PTPRT: variants seen among roughly 807,000 people sequenced by gnomAD.
PTPRT encodes the protein receptor-type tyrosine-protein phosphatase T.
Under a neutral mutation model 176.8 loss-of-function variants are expected in PTPRT, and 56 were observed. That is an observed-to-expected ratio of 0.32 (90% CI 0.26 to 0.40). PTPRT has a LOEUF of 0.40. PTPRT is among the 10% of genes least tolerant of loss of function. PTPRT has a pLI of 1.00. For missense variants in PTPRT, 1,540 were observed against 1,908.2 expected (o/e 0.81, Z 3.60); for synonymous variants, 783 against 739.0 (o/e 1.06, Z -0.96).
chr20:42,835,046 C>CA (rs1222183350), intron 2 of PTPRT, among the ~76,000 whole-genome samples: 1 of 151,950 alleles, frequency 6.6e-6, no homozygotes, highest in African/African-American at 2.4e-5. Flanking sequence ...AAACCCCACA[C>CA]AAAAAAAGAA....
At chr20:42,546,743 AT>A (rs371391713) in intron 7 of PTPRT, among the ~76,000 whole-genome samples, 1 of 152,076 alleles carries the variant, frequency 6.6e-6, no homozygotes, top group African/African-American at 2.4e-5. Flanking sequence ...TAATTTCAAT[AT>A]TTTTTTGTTT....
intron 6 of PTPRT, among the ~76,000 whole-genome samples, chr20:42,719,671 A>G (rs2076277152): frequency 6.6e-6 from 1 of 152,192 alleles, no homozygotes; most frequent in Admixed American, 6.5e-5. Context: ...CAAATAGTGA[A>G]AGGTCTATGG....
At position 42,277,817 on chromosome 20, in the gene PTPRT, C is replaced by A. The variant is rs572038329; in HGVS notation, c.2176+4672G>T. Among the ~76,000 whole-genome samples, 10 of 151,640 alleles carry A rather than the reference C, an allele frequency of 6.6e-5. No individual in the cohort carries two copies. In the South Asian group the frequency reaches 1.9e-3, roughly 29 times the overall value. On this transcript the variant is annotated intron_variant, in intron 13 of 30. Coordinates refer to ENST00000373187, the MANE Select transcript of PTPRT (RefSeq NM_007050.6). ...TACTCCTACCATTTAAGAGAACAATCCTGACATGTAACTTGCATTTGAAAA... is the reference window on the plus strand; with the variant it reads ...TACTCCTACCATTTAAGAGAACAATACTGACATGTAACTTGCATTTGAAAA...
Position 42,161,483 on chromosome 20 carries a change from G to A in PTPRT, c.2551C>T (p.Arg851Cys), listed in dbSNP as rs757562149. Reference protein sequence around the residue: ...PTLTIQTHPYRTCDPVEMSYP... With the variant: ...PTLTIQTHPYCTCDPVEMSYP... ...CTCATCTCCACAGGGTCACAGGTGC[G>A]GTAGGGATGAGTCTGGATCGTGAGG... Residue 851 changes from arginine to cysteine, a missense_variant, in exon 17 of 31, where the codon CGC becomes TGC. By Grantham distance (180) the Arg-to-Cys change is radical (BLOSUM62 -3). This residue lies in a region of PTPRT where 255 missense variants were observed against 250.1 expected (regional missense o/e 1.02). Coordinates refer to ENST00000373187, the MANE Select transcript of PTPRT (RefSeq NM_007050.6). 2.2e-5 allele frequency: 35 copies of A among 1,613,942 alleles called. No homozygotes were observed. The highest frequency in any genetic ancestry group is 6.7e-5 in the Admixed American group (4 of 59,980).
chr20:43,074,286 C>T (rs1386917348), intron 1 of PTPRT, among the ~76,000 whole-genome samples: 1 of 152,156 alleles, frequency 6.6e-6, no homozygotes, highest in African/African-American at 2.4e-5. Flanking sequence ...AAAGCAAAAA[C>T]AAAATTTTAT....
chr20:42,732,140 G>A (rs1034248262), intron 6 of PTPRT, among the ~76,000 whole-genome samples: 1 of 144,278 alleles, frequency 6.9e-6, no homozygotes, highest in Non-Finnish European at 1.5e-5. Flanking sequence ...GTCCATGTGC[G>A]GCTATTTAAA....
rs1250887349 is a variant in PTPRT at position 42,072,852 on chromosome 20, A to G, written c.*8027T>C. The G allele has an allele frequency of 4.5e-6, 1 of 220,086 alleles. No individual in the cohort carries two copies. The highest frequency in any genetic ancestry group is 9.1e-6 in the Non-Finnish European group (1 of 109,546). The allele number at this position is 220,086 out of a possible 1,614,324, so 13.6% of individuals were successfully genotyped here. ...TGTCAGGGAACATTTACAAGAATAA[A>G]TAAGATGGACTTGCAGGTGTAAAAA... On this transcript the variant is annotated 3_prime_UTR_variant, in exon 31 of 31. Transcript: ENST00000373187.
At chr20:42,437,901 T>A (rs1337938296) in intron 9 of PTPRT, among the ~76,000 whole-genome samples, 2 of 152,164 alleles carry the variant, frequency 1.3e-5, no homozygotes, top group African/African-American at 2.4e-5. Flanking sequence ...AGCAGCAAAT[T>A]CATGCTGCAT....
At chr20:42,114,184 T>C (rs544212137) in intron 22 of PTPRT, among the ~76,000 whole-genome samples, 3 of 152,226 alleles carry the variant, frequency 2.0e-5, no homozygotes, top group Non-Finnish European at 4.4e-5. Flanking sequence ...AAGAGAAATG[T>C]GTTACAGGAG....
intron 1 of PTPRT, among the ~76,000 whole-genome samples, chr20:43,052,306 T>C (rs1399852874): frequency 2.0e-5 from 3 of 152,264 alleles, no homozygotes; most frequent in Admixed American, 2.0e-4. Context: ...CACCTGGCTA[T>C]TGTGTAAAAC....
chr20:42,990,854 A>C (rs1245894062), intron 1 of PTPRT, among the ~76,000 whole-genome samples: 2 of 152,202 alleles, frequency 1.3e-5, no homozygotes, highest in African/African-American at 4.8e-5. Context: ...GAGTTTGCAG[A>C]GTTAGATAAT....
At chr20:42,453,533 T>C (rs936922165) in intron 8 of PTPRT, among the ~76,000 whole-genome samples, 11 of 152,070 alleles carry the variant, frequency 7.2e-5, no homozygotes, top group Admixed American at 3.3e-4. Flanking sequence ...CTCTAAGAAA[T>C]AAAACATTAC....
chr20:42,464,517 C>T (rs150810669), intron 8 of PTPRT, among the ~76,000 whole-genome samples: 2 of 152,290 alleles, frequency 1.3e-5, no homozygotes, highest in African/African-American at 2.4e-5. Context: ...ATAGCATCTA[C>T]ATCAAAGTAT....
chr20:42,869,372 TG>T (rs2078805273), intron 2 of PTPRT, among the ~76,000 whole-genome samples: 1 of 152,130 alleles, frequency 6.6e-6, no homozygotes, highest in Admixed American at 6.5e-5. Flanking sequence ...TGGGGCTGCC[TG>T]GGTCTTTGGC....
At chr20:42,138,825 C>T (rs753707390) in intron 18 of PTPRT, among the ~76,000 whole-genome samples, 20 of 152,194 alleles carry the variant, frequency 1.3e-4, no homozygotes, top group South Asian at 2.1e-4. Context: ...GGAGATATTT[C>T]GCCAAGGTCT....
intron 11 of PTPRT, among the ~76,000 whole-genome samples, chr20:42,339,707 G>A (rs546983307): frequency 3.4e-4 from 52 of 152,316 alleles, no homozygotes; most frequent in Non-Finnish European, 6.5e-4. Context: ...GGACAGGCAG[G>A]ACTCTGCAGG....
rs528006678 is a variant in PTPRT, at chr20:42,578,184, C to T, written c.1153+99682G>A. Among the ~76,000 whole-genome samples the T allele has an allele frequency of 1.1e-4, 16 of 152,176 alleles. No individual in the cohort carries two copies. The East Asian group carries it at 1.7e-3, about 17-fold the overall frequency. ...ACCTCGAGTCAACCAGGAGAGTCTA[C>T]GAGTTGAGATTAGGATTGATCCCTG... is the stretch of plus-strand genomic sequence containing the variant. On this transcript the variant is annotated intron_variant, in intron 7 of 30. Coordinates refer to ENST00000373187, the MANE Select transcript of PTPRT (RefSeq NM_007050.6).
At chr20:42,189,219 T>C (rs563440050) in intron 16 of PTPRT, among the ~76,000 whole-genome samples, 1 of 152,290 alleles carries the variant, frequency 6.6e-6, no homozygotes, top group East Asian at 1.9e-4. Context: ...TTCCAAGCTT[T>C]TGCCCCTTCC....
chr20:43,035,648 T>G (rs747275454), intron 1 of PTPRT, among the ~76,000 whole-genome samples: 1 of 152,190 alleles, frequency 6.6e-6, no homozygotes, highest in Non-Finnish European at 1.5e-5. Context: ...AAAAACCAGA[T>G]GAACAAAGGT....
Sources: gnomAD v4.1 joint callset for allele counts (sites outside exome capture counted in the v4.1 genomes callset) on GRCh38, gnomAD v4.1.1 for gene constraint, gnomAD v4.1.1 regional missense constraint, MANE v1.5 for transcripts, NCBI Gene and HGNC (gene_info 2026-07-23, HGNC 2026-07-21) for gene names.